Variants in SLC39A11 observed in about 807,000 individuals in gnomAD.
SLC39A11 encodes the protein solute carrier family 39 member 11.
In SLC39A11, 33 loss-of-function variants were observed where a neutral mutation model predicts 36.1. That is an observed-to-expected ratio of 0.91 (90% CI 0.69 to 1.22). SLC39A11 has a LOEUF of 1.22. SLC39A11 is among the 50% of genes most tolerant of loss of function. SLC39A11 has a pLI of 0.00. For missense variants in SLC39A11, 432 were observed against 430.3 expected (o/e 1.00, Z -0.03); for synonymous variants, 166 against 170.3 (o/e 0.97, Z 0.20).
At position 72,949,144 on chromosome 17, in the gene SLC39A11, C is replaced by CTTTTTTTTTTTTTTTTTTTTT. The variant is rs56036208; in HGVS notation, c.307-1290_307-1270dup. ...AAATAAAATACCATACACTGGGCAG[C>CTTTTTTTTTTTTTTTTTTTTT]TTTTTTTTTTTTTTTTTTTTTTTTT... On this transcript the variant is annotated intron_variant, in intron 4 of 9. Transcript: ENST00000255559. 9.6e-4 allele frequency among the ~76,000 whole-genome samples: 35 copies of CTTTTTTTTTTTTTTTTTTTTT among 36,508 alleles called. 7 individuals carry two copies. The highest frequency in any genetic ancestry group is 1.6e-3 in the Non-Finnish European group (29 of 18,636). The allele number at this position is 36,508 out of a possible 152,430, so 24.0% of individuals were successfully genotyped here.
In SLC39A11 at chr17:73,004,429, C is replaced by T. The variant is rs576120586; in HGVS notation, c.306+27127G>A. On this transcript the variant is annotated intron_variant, in intron 4 of 9. Transcript: ENST00000255559. The stretch of plus-strand genomic sequence containing the variant: ...AGGGTGAAGTAAGAAAGACAGCGAG[C>T]TCTCTGGTGTCTCTTCTTAAAAGGA... Among the ~76,000 whole-genome samples, 29 of 152,306 alleles carry T rather than the reference C, an allele frequency of 1.9e-4. 1 individual carries two copies. Among genetic ancestry groups the T allele is most frequent in the African/African-American group, 6.3e-4 (26 of 41,584 alleles).
At chr17:73,041,832 A>C (rs2059121240) in intron 3 of SLC39A11, among the ~76,000 whole-genome samples, 1 of 152,222 alleles carries the variant, frequency 6.6e-6, no homozygotes, top group Non-Finnish European at 1.5e-5. Flanking sequence ...GATATTTACA[A>C]GCTCTTCTTC....
chr17:73,037,817 G>A (rs913129834), intron 3 of SLC39A11, among the ~76,000 whole-genome samples: 1 of 152,214 alleles, frequency 6.6e-6, no homozygotes, highest in Non-Finnish European at 1.5e-5. Context: ...GAAGCCAGGG[G>A]GAAGGTTTGG....
intron 4 of SLC39A11, among the ~76,000 whole-genome samples, chr17:73,004,985 GTT>G (rs1491299390): frequency 1.3e-5 from 2 of 152,058 alleles, no homozygotes; most frequent in Non-Finnish European, 2.9e-5. Context: ...CACATGTCAT[GTT>G]TTGTTTGTTT....
intron 5 of SLC39A11, among the ~76,000 whole-genome samples, chr17:72,895,738 AATTTTCT>A (rs755929340): frequency 3.3e-4 from 50 of 152,106 alleles, no homozygotes; most frequent in Non-Finnish European, 6.5e-4. Context: ...TCTCTTTTTC[AATTTTCT>A]ATTTTCTATT....
At chr17:72,804,637 G>A (rs8076998) in intron 6 of SLC39A11, among the ~76,000 whole-genome samples, 11,591 of 152,232 alleles carry the variant, frequency 0.076, 510 homozygotes, top group African/African-American at 0.11. Flanking sequence ...CAAGAAATCC[G>A]TTTCTGGTCC....
intron 1 of SLC39A11, among the ~76,000 whole-genome samples, chr17:73,089,506 C>T (rs1307153876): frequency 6.6e-6 from 1 of 152,204 alleles, no homozygotes; most frequent in Non-Finnish European, 1.5e-5. Context: ...CCACATAATG[C>T]CAACCTCACG....
At chr17:72,653,441 C>CTTTT (rs66924570) in intron 7 of SLC39A11, among the ~76,000 whole-genome samples, 1 of 124,810 alleles carries the variant, frequency 8.0e-6, no homozygotes, top group African/African-American at 3.1e-5. Context: ...CTTTTCTTTT[C>CTTTT]TTTTTTTTTT....
intron 5 of SLC39A11, among the ~76,000 whole-genome samples, chr17:72,915,118 A>C (rs1289579805): frequency 6.6e-6 from 1 of 151,920 alleles, no homozygotes; most frequent in Non-Finnish European, 1.5e-5. Flanking sequence ...TACCCACCCC[A>C]CGTATTAATC....
chr17:72,745,487 A>G (rs7501584), intron 6 of SLC39A11, among the ~76,000 whole-genome samples: 50,348 of 152,090 alleles, frequency 0.33, 10,472 homozygotes, highest in African/African-American at 0.59. Context: ...CCCAGACCTC[A>G]TGGAAGCTCA....
intron 4 of SLC39A11, among the ~76,000 whole-genome samples, chr17:72,999,516 T>C (rs2148376331): frequency 6.6e-6 from 1 of 152,338 alleles, no homozygotes. Flanking sequence ...CAAACAGTTC[T>C]CATCACCAAG....
chr17:73,027,819 T>C (rs546373960), intron 4 of SLC39A11, among the ~76,000 whole-genome samples: 1 of 152,310 alleles, frequency 6.6e-6, no homozygotes, highest in East Asian at 1.9e-4. Context: ...AAGGGTCAAA[T>C]CAGGGCACTG....
At chr17:73,024,008 T>G (rs1372356241) in intron 4 of SLC39A11, among the ~76,000 whole-genome samples, 2 of 152,238 alleles carry the variant, frequency 1.3e-5, no homozygotes, top group African/African-American at 4.8e-5. Flanking sequence ...CCTCCAGAGC[T>G]GTGAGAAAAT....
chr17:72,983,814 G>T (rs1464428073), intron 4 of SLC39A11, among the ~76,000 whole-genome samples: 3 of 152,210 alleles, frequency 2.0e-5, no homozygotes, highest in African/African-American at 4.8e-5. Context: ...GAAGTCGGAA[G>T]AAAAGAGGGG....
In SLC39A11 at chr17:72,720,874, C is replaced by A. The variant is rs1260134077; in HGVS notation, c.671+15776G>T. On this transcript the variant is annotated intron_variant, in intron 7 of 9. Coordinates refer to ENST00000255559, the MANE Select transcript of SLC39A11 (RefSeq NM_139177.4). ...ATGGTCTTATATAGCATCAATAGTGCCTATTCATCCCCCGAACACATACAA... is the reference window on the plus strand; with the variant it reads ...ATGGTCTTATATAGCATCAATAGTGACTATTCATCCCCCGAACACATACAA... Among the ~76,000 whole-genome samples the A allele has an allele frequency of 2.0e-5, 3 of 152,248 alleles. No individual in the cohort carries two copies. The East Asian group carries it at 5.8e-4, about 29-fold the overall frequency.
At chr17:72,682,378 T>C (rs1298519751) in intron 7 of SLC39A11, among the ~76,000 whole-genome samples, 2 of 144,346 alleles carry the variant, frequency 1.4e-5, no homozygotes, top group South Asian at 2.2e-4. Flanking sequence ...TGCTGGTATA[T>C]AATACATATA....
Position 72,999,943 on chromosome 17 carries a change from T to C in SLC39A11, c.306+31613A>G, listed in dbSNP as rs536566216. Among the ~76,000 whole-genome samples, 3 of 151,948 alleles carry C rather than the reference T, an allele frequency of 2.0e-5. No homozygotes were observed. The South Asian group carries it at 6.2e-4, about 31-fold the overall frequency. ...TTTAGTAGAGATGGGGGTTTCGCCA[T>C]GTTACCCTGGCTGGTCTCGAACTCC... On this transcript the variant is annotated intron_variant, in intron 4 of 9. Coordinates refer to ENST00000255559, the MANE Select transcript of SLC39A11 (RefSeq NM_139177.4).
chr17:73,051,154 G>A (rs9302951), intron 3 of SLC39A11, among the ~76,000 whole-genome samples: 118,657 of 152,008 alleles, frequency 0.78, 46,452 homozygotes, highest in Admixed American at 0.82. Flanking sequence ...TGCCTCTAGT[G>A]GCTGCCAGAA....
chr17:72,757,643 AT>A (rs568776835), intron 6 of SLC39A11, among the ~76,000 whole-genome samples: 20,423 of 140,422 alleles, frequency 0.15, 1,480 homozygotes, highest in African/African-American at 0.22. Flanking sequence ...TGTCTGGCAC[AT>A]TTTTTTTTTT....
Sources: gnomAD v4.1 joint callset for allele counts (sites outside exome capture counted in the v4.1 genomes callset) on GRCh38, gnomAD v4.1.1 for gene constraint, MANE v1.5 for transcripts, NCBI Gene and HGNC (gene_info 2026-07-23, HGNC 2026-07-21) for gene names.